DSCAM: variants seen among roughly 807,000 people sequenced by gnomAD.
DSCAM encodes the protein cell adhesion molecule DSCAM.
Under a neutral mutation model 217.7 loss-of-function variants are expected in DSCAM, and 47 were observed. That is an observed-to-expected ratio of 0.22 (90% CI 0.17 to 0.28). The LOEUF is 0.28. Ranked by LOEUF, DSCAM falls within the 10% of genes least tolerant of loss-of-function variation. The pLI is 1.00. For missense variants in DSCAM, 2,080 were observed against 2,618.3 expected, an observed-to-expected ratio of 0.79 and a Z score of 4.49; for synonymous variants, 1,056 against 1,015.3, an observed-to-expected ratio of 1.04 and a Z score of -0.76.
intron 3 of DSCAM, 72 bp from the exon 4 acceptor site, chr21:40,369,317 A>AAACAGTTTTTTT: frequency 2.0e-6 from 3 of 1,495,986 alleles, no homozygotes; most frequent in Non-Finnish European, 2.7e-6. Flanking sequence ...CAAAGTCCTT[A>AAACAGTTTTTTT]AACAGTTTTT....
chr21:40,277,495 C>A (rs1407657822), intron 10 of DSCAM, among the ~76,000 whole-genome samples: 1 of 152,088 alleles, frequency 6.6e-6, no homozygotes, highest in East Asian at 1.9e-4. Context: ...TTGTCTCTAG[C>A]CCCACTGAAG....
chr21:40,540,578 A>T (rs930576041), intron 3 of DSCAM, among the ~76,000 whole-genome samples: 2 of 152,172 alleles, frequency 1.3e-5, no homozygotes, highest in African/African-American at 4.8e-5. Context: ...GCAACAAACA[A>T]AACTTCCTAG....
At chr21:40,216,776 C>G (rs2091247403) in intron 11 of DSCAM, among the ~76,000 whole-genome samples, 1 of 152,222 alleles carries the variant, frequency 6.6e-6, no homozygotes, top group Non-Finnish European at 1.5e-5. Flanking sequence ...AACCAGTGCC[C>G]CCATGAGAAG....
At chr21:40,546,309 A>G (rs1379155824) in intron 3 of DSCAM, among the ~76,000 whole-genome samples, 1 of 152,218 alleles carries the variant, frequency 6.6e-6, no homozygotes, top group Non-Finnish European at 1.5e-5. Context: ...GGGGATATGT[A>G]TCTGGAAAAG....
intron 1 of DSCAM, among the ~76,000 whole-genome samples, chr21:40,837,126 T>C (rs375324926): frequency 1.3e-5 from 2 of 152,202 alleles, no homozygotes; most frequent in Non-Finnish European, 2.9e-5. Flanking sequence ...CTACCTCTTA[T>C]CCTGATGTAA....
intron 3 of DSCAM, among the ~76,000 whole-genome samples, chr21:40,669,943 A>G (rs2090252429): frequency 1.1e-5 from 1 of 89,938 alleles, no homozygotes; most frequent in African/African-American, 5.4e-5. Context: ...ACATATGGCT[A>G]TAATAAAAAA....
intron 3 of DSCAM, among the ~76,000 whole-genome samples, chr21:40,651,908 A>G (rs1039713729): frequency 9.2e-5 from 14 of 152,294 alleles, no homozygotes; most frequent in African/African-American, 3.4e-4. Flanking sequence ...GACTTCTGGG[A>G]AAGGATTTCC....
intron 3 of DSCAM, among the ~76,000 whole-genome samples, chr21:40,620,569 G>GAAA (rs201152309): frequency 6.6e-5 from 10 of 151,536 alleles, no homozygotes; most frequent in Admixed American, 6.6e-5. Flanking sequence ...GAATATAATG[G>GAAA]AAAAAAAGAA....
At chr21:40,487,613 A>G (rs1201149759) in intron 3 of DSCAM, among the ~76,000 whole-genome samples, 1 of 152,208 alleles carries the variant, frequency 6.6e-6, no homozygotes, top group Non-Finnish European at 1.5e-5. Context: ...CAAAATCAGC[A>G]TAACTGCAGG....
intron 3 of DSCAM, among the ~76,000 whole-genome samples, chr21:40,527,167 T>C (rs1283987917): frequency 6.6e-6 from 1 of 152,182 alleles, no homozygotes; most frequent in Non-Finnish European, 1.5e-5. Context: ...TCTCACTTCC[T>C]AAATGCTTCC....
At position 40,326,347 on chromosome 21, in the gene DSCAM, C is replaced by T. The variant is rs188788083; in HGVS notation, c.1783+11754G>A. ...GTCTTCAGGACAGAGGTGGCACTCT[C>T]ATTCCCCTCTTTTATTCATTAGAAA... is the stretch of plus-strand genomic sequence containing the variant. On this transcript the variant is annotated intron_variant, in intron 8 of 32. Transcript: ENST00000400454. Among the ~76,000 whole-genome samples, 453 of 152,328 alleles carry T rather than the reference C, an allele frequency of 3.0e-3. 3 individuals are homozygous for T. The highest frequency in any genetic ancestry group is 0.01 in the African/African-American group (428 of 41,580).
In DSCAM at chr21:40,302,963, G is replaced by C. The variant is rs375992405; in HGVS notation, c.2063-6789C>G. 8.4e-4 allele frequency among the ~76,000 whole-genome samples: 128 copies of C among 152,250 alleles called. 1 individual carries two copies. The highest frequency in any genetic ancestry group is 3.0e-3 in the African/African-American group (124 of 41,560). On this transcript the variant is annotated intron_variant, in intron 9 of 32. Coordinates refer to ENST00000400454, the MANE Select transcript of DSCAM (RefSeq NM_001389.5). ...TTTTAAATGTAGTCCAGCGTTTTATGTTTGGAAGCCATGGCTTCTAAGTTG... is the reference window on the plus strand; with the variant it reads ...TTTTAAATGTAGTCCAGCGTTTTATCTTTGGAAGCCATGGCTTCTAAGTTG...
intron 3 of DSCAM, among the ~76,000 whole-genome samples, chr21:40,674,693 C>T (rs370292308): frequency 3.7e-5 from 5 of 136,496 alleles, no homozygotes; most frequent in Non-Finnish European, 6.1e-5. Flanking sequence ...AGTGCAGTGG[C>T]GCGATCTCGG....
chr21:40,590,981 TA>T (rs36187029), intron 3 of DSCAM, among the ~76,000 whole-genome samples: 9,946 of 152,264 alleles, frequency 0.065, 382 homozygotes, highest in South Asian at 0.15. Context: ...TCTTGAATTG[TA>T]ATCCCCATTA....
intron 3 of DSCAM, among the ~76,000 whole-genome samples, chr21:40,389,010 T>C (rs1055368771): frequency 1.3e-5 from 2 of 152,108 alleles, no homozygotes; most frequent in African/African-American, 4.8e-5. Flanking sequence ...ATGGTAAGTT[T>C]ACTCTTTCCC....
At chr21:40,154,571 T>C (rs181136842) in intron 16 of DSCAM, among the ~76,000 whole-genome samples, 103 of 152,302 alleles carry the variant, frequency 6.8e-4, no homozygotes, top group East Asian at 2.7e-3. Flanking sequence ...GATATTTTTG[T>C]TCATATATCT....
intron 1 of DSCAM, among the ~76,000 whole-genome samples, chr21:40,816,819 C>T (rs897510100): frequency 6.6e-6 from 1 of 151,678 alleles, no homozygotes; most frequent in African/African-American, 2.4e-5. Flanking sequence ...TTTTAGAGAC[C>T]CAAATAATAT....
chr21:40,213,339 T>C (rs1207882933), intron 11 of DSCAM, among the ~76,000 whole-genome samples: 1 of 152,340 alleles, frequency 6.6e-6, no homozygotes, highest in East Asian at 1.9e-4. Flanking sequence ...TGAAGGATCC[T>C]GCTGCTGCCT....
At chr21:40,290,766 T>C (rs2073882293) in intron 10 of DSCAM, among the ~76,000 whole-genome samples, 2 of 152,176 alleles carry the variant, frequency 1.3e-5, no homozygotes, top group South Asian at 2.1e-4. Context: ...TATCTGTCCT[T>C]TGGGTGTAAA....
Sources: gnomAD v4.1 joint callset for allele counts (sites outside exome capture counted in the v4.1 genomes callset) on GRCh38, gnomAD v4.1.1 for gene constraint, MANE v1.5 for transcripts, NCBI Gene and HGNC (gene_info 2026-07-23, HGNC 2026-07-21) for gene names.